The following AGAP1 variants were observed in gnomAD, a reference collection of about 807,000 sequenced individuals.
AGAP1 encodes ArfGAP with GTPase domain, ankyrin repeat and PH domain 1.
In AGAP1, 29 loss-of-function variants were observed where a neutral mutation model predicts 105.3. The ratio of observed to expected loss-of-function variants is 0.28; its 90% confidence interval spans 0.21 to 0.38. AGAP1 has a LOEUF of 0.38. Among genes scored for constraint, AGAP1 ranks in the 10% least tolerant of loss-of-function variants. The pLI is 1.00. For missense variants in AGAP1, 998 were observed against 1,165.1 expected (o/e 0.86, Z 2.09); for synonymous variants, 509 against 485.9 (o/e 1.05, Z -0.63).
intron 13 of AGAP1, among the ~76,000 whole-genome samples, chr2:236,032,491 A>C (rs925493367): frequency 2.6e-5 from 4 of 152,186 alleles, no homozygotes; most frequent in African/African-American, 9.6e-5. Context: ...GGGGTCAGTG[A>C]GAAAGAAGAC....
At chr2:235,782,348 T>C (rs185543700) in intron 6 of AGAP1, among the ~76,000 whole-genome samples, 20 of 152,280 alleles carry the variant, frequency 1.3e-4, no homozygotes, top group Admixed American at 1.2e-3. Flanking sequence ...ATATTATTTT[T>C]TGGAGGAAGG....
In AGAP1 at chr2:235,893,958, A is replaced by G. The variant is rs973317341; in HGVS notation, c.1155+10509A>G. 1.3e-5 allele frequency among the ~76,000 whole-genome samples: 2 copies of G among 152,186 alleles called. No individual in the cohort carries two copies. Among genetic ancestry groups the G allele is most frequent in the African/African-American group, 4.8e-5 (2 of 41,444 alleles). On this transcript the variant is annotated intron_variant, in intron 10 of 17. Transcript: ENST00000304032. The surrounding 1 kb of genome is among the most constrained non-coding windows in gnomAD (Gnocchi z 4.7). ...TACAACATGACCTCCCTAAACTGAC[A>G]TAGGGTTGGGTGAACACACACACAC...
intron 12 of AGAP1, among the ~76,000 whole-genome samples, chr2:235,946,900 C>T (rs950344253): frequency 2.0e-5 from 3 of 152,274 alleles, no homozygotes; most frequent in East Asian, 1.9e-4. Context: ...CCACCTTCAC[C>T]GTGAGGCCTT....
rs565725468 is a variant in AGAP1 at position 236,046,452 on chromosome 2, C to T, written c.1892-2607C>T. ...ATAAGTTCGAGAAGAAAGCGTTGGACTTATGAGAGGTTGAGAACCTTGTGA... is the reference window on the plus strand; with the variant it reads ...ATAAGTTCGAGAAGAAAGCGTTGGATTTATGAGAGGTTGAGAACCTTGTGA... On this transcript the variant is annotated intron_variant, in intron 15 of 17. Transcript: ENST00000304032. The surrounding 1 kb of genome is among the most constrained non-coding windows in gnomAD (Gnocchi z 5.2). Among the ~76,000 whole-genome samples the T allele has an allele frequency of 6.2e-4, 95 of 152,186 alleles. No homozygotes were observed. The highest frequency in any genetic ancestry group is 2.2e-3 in the African/African-American group (92 of 41,528).
At chr2:235,783,558 G>A (rs971495451) in intron 6 of AGAP1, among the ~76,000 whole-genome samples, 1 of 152,208 alleles carries the variant, frequency 6.6e-6, no homozygotes, top group Non-Finnish European at 1.5e-5. Flanking sequence ...TTATGCCAGA[G>A]ATGTGGTTTG....
At chr2:235,922,200 C>T (rs2052215004) in intron 11 of AGAP1, among the ~76,000 whole-genome samples, 2 of 152,162 alleles carry the variant, frequency 1.3e-5, no homozygotes, top group Non-Finnish European at 2.9e-5. Flanking sequence ...CGAAGAAAGC[C>T]GTCCCTGGAT....
chr2:235,498,778 C>T (rs1026054895), intron 1 of AGAP1, among the ~76,000 whole-genome samples: 1 of 152,184 alleles, frequency 6.6e-6, no homozygotes, highest in African/African-American at 2.4e-5. Context: ...GAGGTTGAGC[C>T]CTCATCCAGC....
intron 13 of AGAP1, among the ~76,000 whole-genome samples, chr2:235,969,330 C>A (rs889661184): frequency 3.9e-5 from 6 of 151,988 alleles, no homozygotes; most frequent in South Asian, 2.1e-4. Flanking sequence ...ACACACACAC[C>A]CCCCACATTA....
chr2:235,499,592 G>A (rs944601656), intron 1 of AGAP1, among the ~76,000 whole-genome samples: 6 of 152,272 alleles, frequency 3.9e-5, no homozygotes, highest in African/African-American at 2.4e-5. Flanking sequence ...CAATGCGGGC[G>A]TTCCTTGTGA....
chr2:235,718,428 T>G, intron 3 of AGAP1: 1 of 983,772 alleles, frequency 1.0e-6, no homozygotes, highest in Non-Finnish European at 1.2e-6. Context: ...GCGCTTGTCT[T>G]GTTTTGGAGA....
At chr2:235,675,317 A>C (rs1948677255) in intron 1 of AGAP1, among the ~76,000 whole-genome samples, 1 of 151,556 alleles carries the variant, frequency 6.6e-6, no homozygotes, top group Admixed American at 6.6e-5. Flanking sequence ...AGCCTCTCCG[A>C]ATAGCTGGGA....
At chr2:235,837,979 A>G (rs1575588836) in intron 9 of AGAP1, among the ~76,000 whole-genome samples, 1 of 152,080 alleles carries the variant, frequency 6.6e-6, no homozygotes, top group Admixed American at 6.5e-5. Context: ...GGTCAGGAGT[A>G]TGAGACCAGC....
intron 1 of AGAP1, 37 bp from the exon 2 acceptor site, chr2:235,709,142 G>C (rs1408887469): frequency 6.2e-7 from 1 of 1,610,584 alleles, no homozygotes; most frequent in African/African-American, 1.3e-5. Context: ...CTTTACGTGA[G>C]TTATGGTGTC....
chr2:235,647,159 A>G (rs891251261), intron 1 of AGAP1, among the ~76,000 whole-genome samples: 1 of 151,886 alleles, frequency 6.6e-6, no homozygotes, highest in Non-Finnish European at 1.5e-5. Flanking sequence ...AGTCTTCACA[A>G]TGAATGTTGA....
At chr2:235,508,516 T>C (rs1346319095) in intron 1 of AGAP1, among the ~76,000 whole-genome samples, 1 of 152,208 alleles carries the variant, frequency 6.6e-6, no homozygotes, top group Non-Finnish European at 1.5e-5. Flanking sequence ...TGGTTCACTT[T>C]TATTCCCTCG....
At chr2:235,954,041 C>T (rs994549574) in intron 12 of AGAP1, among the ~76,000 whole-genome samples, 17 of 152,054 alleles carry the variant, frequency 1.1e-4, no homozygotes, top group Non-Finnish European at 2.2e-4. Flanking sequence ...ACCAGCCTGA[C>T]CAACATGGAG....
rs980571461 is a variant in AGAP1 at position 236,038,644 on chromosome 2, A to G, written c.1800+1929A>G. Among the ~76,000 whole-genome samples the G allele has an allele frequency of 2.6e-5, 4 of 152,336 alleles. No individual in the cohort carries two copies. The East Asian group carries it at 7.7e-4, about 29-fold the overall frequency. On this transcript the variant is annotated intron_variant, in intron 14 of 17. Coordinates refer to ENST00000304032, the MANE Select transcript of AGAP1 (RefSeq NM_001037131.3). This position sits in a 1 kb window ranked among gnomAD's most constrained non-coding sequence, Gnocchi z 4.5. ...ATAAAACATGGAAATACTGTCCACA[A>G]GGAGTAGCGGGAGGCAAAAATACAG...
At position 235,779,714 on chromosome 2, in the gene AGAP1, T is replaced by C. The variant is rs919648311; in HGVS notation, c.674-18045T>C. 2.6e-5 allele frequency among the ~76,000 whole-genome samples: 4 copies of C among 152,230 alleles called. No homozygotes were observed. In the East Asian group the frequency reaches 7.7e-4, roughly 29 times the overall value. On this transcript the variant is annotated intron_variant, in intron 6 of 17. Coordinates refer to ENST00000304032, the MANE Select transcript of AGAP1 (RefSeq NM_001037131.3). Reference sequence around the variant, plus strand: ...TCAGTAACCTACAGGCTTTGCAGACTGAAGGTGAAAACCAGTTAATGTGCT... The same window carrying C: ...TCAGTAACCTACAGGCTTTGCAGACCGAAGGTGAAAACCAGTTAATGTGCT...
In AGAP1 at chr2:235,689,700, G is replaced by A. The variant is rs1005413740; in HGVS notation, c.164-19479G>A. Among the ~76,000 whole-genome samples the A allele has an allele frequency of 1.3e-5, 2 of 152,222 alleles. No individual in the cohort carries two copies. The highest frequency in any genetic ancestry group is 4.8e-5 in the African/African-American group (2 of 41,464). On this transcript the variant is annotated intron_variant, in intron 1 of 17. Coordinates refer to ENST00000304032, the MANE Select transcript of AGAP1 (RefSeq NM_001037131.3). This position sits in a 1 kb window ranked among gnomAD's most constrained non-coding sequence, Gnocchi z 4.2. ...CTGCAACATTTCCACTCATTTGAGA[G>A]TTCCACTTTTCAGGACAGTCATAGA...
Sources: allele counts gnomAD v4.1 joint callset (sites outside exome capture counted in the v4.1 genomes callset), GRCh38; gene constraint gnomAD v4.1.1; non-coding constraint Gnocchi (gnomAD v3.1); transcripts MANE v1.5; gene names NCBI Gene and HGNC (gene_info 2026-07-23, HGNC 2026-07-21).